DIP2A: variants seen among roughly 807,000 people sequenced by gnomAD.
The protein encoded by DIP2A is DIP2 acetate--CoA ligase A.
DIP2A carries 85 observed loss-of-function variants against 177.4 expected under a neutral mutation model. The ratio of observed to expected loss-of-function variants is 0.48; its 90% CI spans 0.40 to 0.57. The LOEUF (loss-of-function observed/expected upper bound fraction) is 0.57. Among genes scored for constraint, DIP2A ranks in the 20% least tolerant of loss-of-function variants. The pLI is 0.00. For missense variants in DIP2A, 1,791 were observed against 2,100.2 expected (o/e 0.85, Z 2.88); for synonymous variants, 886 against 881.8 (o/e 1.00, Z -0.08).
At chr21:46,534,381 C>T (rs955311938) in intron 12 of DIP2A, among the ~76,000 whole-genome samples, 2 of 152,180 alleles carry the variant, frequency 1.3e-5, no homozygotes, top group African/African-American at 4.8e-5. Context: ...CCCTCGGGCA[C>T]CTGCCCAAGA....
Position 46,557,682 on chromosome 21 carries a change from G to A in DIP2A, c.3727G>A (p.Val1243Ile), listed in dbSNP as rs752929366. The change falls in exon 31 of 38, where the codon GTC becomes ATC. Residue 1243 changes from valine to isoleucine, a missense_variant. By Grantham distance (29) the Val-to-Ile change is conservative (BLOSUM62 3). Transcript: ENST00000417564. This position sits in a 1 kb window ranked among gnomAD's most constrained non-coding sequence, Gnocchi z 6.0. ...LSAVSQYKAR[V>I]TFCSYSVMEM... Reference sequence around the variant, plus strand: ...GGCCGTCAGCCAGTACAAGGCCCGCGTCACCTTCTGCTCCTACTCTGTGAT... The same window carrying A: ...GGCCGTCAGCCAGTACAAGGCCCGCATCACCTTCTGCTCCTACTCTGTGAT... The A allele has an allele frequency of 1.5e-5, 24 of 1,613,486 alleles. No homozygotes were observed. Among genetic ancestry groups the A allele is most frequent in the East Asian group, 4.5e-5 (2 of 44,890 alleles).
chr21:46,520,116 C>T (rs1034357215), intron 8 of DIP2A, among the ~76,000 whole-genome samples: 4 of 152,046 alleles, frequency 2.6e-5, no homozygotes, highest in Non-Finnish European at 4.4e-5. Context: ...CCTTGTGATA[C>T]ACCCATCTCG....
intron 6 of DIP2A, among the ~76,000 whole-genome samples, chr21:46,508,175 A>G (rs2058114383): frequency 6.6e-6 from 1 of 151,882 alleles, no homozygotes; most frequent in African/African-American, 2.4e-5. Flanking sequence ...CAGGGACTGC[A>G]GGCACAAGCC....
chr21:46,547,280 T>G, intron 21 of DIP2A: 10 of 1,238,652 alleles, frequency 8.1e-6, no homozygotes, highest in Non-Finnish European at 1.0e-5. Context: ...TGATGTAAAA[T>G]TTGGGGCAAA....
intron 28 of DIP2A, among the ~76,000 whole-genome samples, 186 bp downstream of exon 28, chr21:46,555,119 C>G (rs1373595032): frequency 6.6e-6 from 1 of 152,202 alleles, no homozygotes; most frequent in South Asian, 2.1e-4. Context: ...TGTAAACCCA[C>G]GCTCCACTCA....
Position 46,563,773 on chromosome 21 carries a change from G to A in DIP2A, c.4090-85G>A. On this transcript the variant is annotated intron_variant, in intron 34 of 37. Transcript: ENST00000417564. This position sits in a 1 kb window ranked among gnomAD's most constrained non-coding sequence, Gnocchi z 4.3. Reference sequence around the variant, plus strand: ...ACATCAGTCCTGCAGGCCAGCTTCTGAGGGACGTTATTTTAATGTCACTGA... The same window carrying A: ...ACATCAGTCCTGCAGGCCAGCTTCTAAGGGACGTTATTTTAATGTCACTGA... 3 of 1,548,058 alleles carry A rather than the reference G, an allele frequency of 1.9e-6. No individual in the cohort carries two copies. The highest frequency in any genetic ancestry group is 2.6e-6 in the Non-Finnish European group (3 of 1,144,884).
rs2060868990 is a variant in DIP2A at position 46,567,446 on chromosome 21, G to T, written c.4540G>T (p.Val1514Leu). The T allele has an allele frequency of 6.2e-7, 1 of 1,613,898 alleles. No homozygotes were observed. The highest frequency in any genetic ancestry group is 1.7e-5 in the Admixed American group (1 of 59,998). ...DGLEQDALDL[V>L]ALVTNVVLEE... ...GCTAGAGCAGGATGCCCTGGACCTG[G>T]TGGCCCTGGTGACCAACGTGGTGCT... is the stretch of plus-strand genomic sequence containing the variant. Residue 1514 changes from valine to leucine, a missense_variant, in exon 38 of 38, where the codon GTG (valine) becomes TTG (leucine). Physicochemically the swap from Val to Leu is conservative, Grantham distance 32. Coordinates refer to ENST00000417564, the MANE Select transcript of DIP2A (RefSeq NM_015151.4).
chr21:46,536,401 T>A (rs908680359), intron 13 of DIP2A, among the ~76,000 whole-genome samples: 9 of 152,164 alleles, frequency 5.9e-5, no homozygotes, highest in Admixed American at 5.9e-4. Context: ...TGCATACCTC[T>A]GGGTGAGAAA....
chr21:46,518,125 A>C (rs1278651200), intron 8 of DIP2A, among the ~76,000 whole-genome samples: 1 of 152,246 alleles, frequency 6.6e-6, no homozygotes, highest in East Asian at 1.9e-4. Flanking sequence ...TGAGGAATGA[A>C]TATATCAGAA....
At chr21:46,517,266 A>G (rs570608482) in intron 8 of DIP2A, among the ~76,000 whole-genome samples, 3 of 151,292 alleles carry the variant, frequency 2.0e-5, no homozygotes, top group East Asian at 3.9e-4. Context: ...TTTTATAGAG[A>G]TGGGGTTTCA....
chr21:46,545,856 T>C, intron 19 of DIP2A, 25 bp from the exon 20 acceptor site: 2 of 1,611,124 alleles, frequency 1.2e-6, no homozygotes, highest in Non-Finnish European at 1.7e-6. Flanking sequence ...CACAGCCTGA[T>C]CGTGCCCCTC....
At chr21:46,520,348 A>T (rs371644040) in intron 8 of DIP2A, among the ~76,000 whole-genome samples, 1 of 152,228 alleles carries the variant, frequency 6.6e-6, no homozygotes, top group South Asian at 2.1e-4. Flanking sequence ...TACTGGTTCT[A>T]TTAGTCCTAT....
chr21:46,488,149 AG>A (rs1368495412), intron 2 of DIP2A, among the ~76,000 whole-genome samples: 2 of 152,196 alleles, frequency 1.3e-5, no homozygotes, highest in Non-Finnish European at 2.9e-5. Flanking sequence ...GTGATTTGAG[AG>A]GATATGAAGG....
chr21:46,573,112 G>T (rs2060978256), downstream of DIP2A, among the ~76,000 whole-genome samples: 1 of 151,334 alleles, frequency 6.6e-6, no homozygotes, highest in Admixed American at 6.6e-5. Context: ...ACAAAAGGAA[G>T]TGAGAAAGGG....
intron 6 of DIP2A, among the ~76,000 whole-genome samples, chr21:46,508,353 CTTTTTTTTTTTT>C (rs571637777): frequency 1.1e-5 from 1 of 90,506 alleles, no homozygotes; most frequent in African/African-American, 4.4e-5. Context: ...TGGCCAATGA[CTTTTTTTTTTTT>C]TTTTTTTTTT....
At chr21:46,480,450 A>G (rs775595092) in intron 1 of DIP2A, among the ~76,000 whole-genome samples, 2 of 152,106 alleles carry the variant, frequency 1.3e-5, no homozygotes, top group Non-Finnish European at 2.9e-5. Flanking sequence ...AGTGGGGAGG[A>G]CACAGAGCCA....
chr21:46,499,327 G>A (rs963668090), intron 5 of DIP2A, among the ~76,000 whole-genome samples: 11 of 152,170 alleles, frequency 7.2e-5, no homozygotes, highest in Non-Finnish European at 1.5e-4. Flanking sequence ...AGGGGAAGCT[G>A]GTGCATGCAG....
At chr21:46,536,635 G>C (rs539312376) in intron 13 of DIP2A, among the ~76,000 whole-genome samples, 1 of 152,318 alleles carries the variant, frequency 6.6e-6, no homozygotes, top group East Asian at 1.9e-4. Context: ...CGAGTGCGGT[G>C]ACTTACACCT....
At chr21:46,471,422 C>A (rs149652402) in intron 1 of DIP2A, among the ~76,000 whole-genome samples, 19 of 152,276 alleles carry the variant, frequency 1.2e-4, no homozygotes, top group Admixed American at 9.2e-4. Flanking sequence ...CACCCTTATA[C>A]GTGTACAGCC....
Sources: gnomAD v4.1 joint callset for allele counts (sites outside exome capture counted in the v4.1 genomes callset) on GRCh38, gnomAD v4.1.1 for gene constraint, Gnocchi (gnomAD v3.1) non-coding constraint, MANE v1.5 for transcripts, NCBI Gene and HGNC (gene_info 2026-07-23, HGNC 2026-07-21) for gene names.